The following NFAT5 variants were observed in gnomAD, a reference collection of about 807,000 sequenced individuals.
NFAT5 encodes nuclear factor of activated T-cells 5.
A neutral mutation model predicts 166.5 loss-of-function variants in NFAT5; 31 were observed. The ratio of observed to expected loss-of-function variants is 0.19; its 90% CI spans 0.14 to 0.25. The LOEUF is 0.25. NFAT5 is among the 10% of genes least tolerant of loss of function. NFAT5 has a pLI of 1.00. For missense variants in NFAT5, 1,449 were observed against 1,821.8 expected, an observed-to-expected ratio of 0.80 and a Z score of 3.72; for synonymous variants, 612 against 639.7, an observed-to-expected ratio of 0.96 and a Z score of 0.65.
intron 3 of NFAT5, among the ~76,000 whole-genome samples, chr16:69,639,429 C>G (rs1321512648): frequency 2.0e-5 from 3 of 152,060 alleles, no homozygotes; most frequent in Admixed American, 6.6e-5. Context: ...AAGGAGAATT[C>G]AGATTAAAAA....
rs3743672 is a variant in NFAT5 at position 69,646,827 on chromosome 16, A to G, written c.254-201A>G. The stretch of plus-strand genomic sequence containing the variant: ...CTATGGATTGTAACATAAGTAAAAT[A>G]ATGCTATTTGGGCATTTTTAAAAAT... On this transcript the variant is annotated intron_variant, in intron 3 of 14. Transcript: ENST00000349945. 2.4e-4 allele frequency among the ~76,000 whole-genome samples: 37 copies of G among 152,384 alleles called. No individual in the cohort carries two copies. The East Asian group carries it at 6.9e-3, about 29-fold the overall frequency.
chr16:69,568,641 A>C (rs1195491898), intron 2 of NFAT5, 93 bp downstream of exon 2: 1 of 983,754 alleles, frequency 1.0e-6, no homozygotes. Flanking sequence ...AACTTTGCAA[A>C]CTCACACAAT....
intron 2 of NFAT5, among the ~76,000 whole-genome samples, chr16:69,572,037 C>T (rs1044467524): frequency 4.8e-4 from 73 of 152,234 alleles, no homozygotes; most frequent in Non-Finnish European, 8.1e-4. Context: ...GCTGGGATTA[C>T]AGGCGTGAGC....
intron 2 of NFAT5, among the ~76,000 whole-genome samples, chr16:69,592,052 C>T (rs937233264): frequency 1.7e-4 from 26 of 148,898 alleles, no homozygotes; most frequent in African/African-American, 5.2e-4. Flanking sequence ...ACCAATAATT[C>T]TTAAAAGGAA....
intron 11 of NFAT5, among the ~76,000 whole-genome samples, chr16:69,690,369 G>T (rs1297273561): frequency 6.6e-6 from 1 of 151,612 alleles, no homozygotes; most frequent in Non-Finnish European, 1.5e-5. Flanking sequence ...TTGTGTCCAT[G>T]TGTCAACTTG....
intron 2 of NFAT5, among the ~76,000 whole-genome samples, chr16:69,575,097 G>A (rs1567510992): frequency 6.6e-6 from 1 of 152,082 alleles, no homozygotes; most frequent in Non-Finnish European, 1.5e-5. Context: ...ACTGAATTTG[G>A]TATTTAGTTT....
chr16:69,681,759 A>G (rs1370428102), intron 10 of NFAT5, among the ~76,000 whole-genome samples: 1 of 152,062 alleles, frequency 6.6e-6, no homozygotes, highest in African/African-American at 2.4e-5. Context: ...CTACTAAAAA[A>G]TACAAAAAAT....
intron 2 of NFAT5, among the ~76,000 whole-genome samples, chr16:69,580,340 C>T (rs1481801418): frequency 1.3e-5 from 2 of 151,856 alleles, no homozygotes; most frequent in Non-Finnish European, 1.5e-5. Flanking sequence ...CCAGCCTGGG[C>T]AATACAGTGA....
intron 7 of NFAT5, among the ~76,000 whole-genome samples, chr16:69,660,743 TTCTCTC>T (rs1422668671): frequency 6.6e-6 from 1 of 152,150 alleles, no homozygotes; most frequent in Non-Finnish European, 1.5e-5. Flanking sequence ...TAATTGTAGT[TTCTCTC>T]TAATGATTAT....
intron 13 of NFAT5, among the ~76,000 whole-genome samples, chr16:69,694,892 G>A (rs2037707864): frequency 6.6e-6 from 1 of 152,170 alleles, no homozygotes; most frequent in African/African-American, 2.4e-5. Flanking sequence ...TTTAAGCAAA[G>A]TTGTATTTTT....
At chr16:69,690,597 C>T (rs929975485) in intron 11 of NFAT5, 5 of 153,682 alleles carry the variant, frequency 3.3e-5, no homozygotes, top group African/African-American at 1.2e-4. Context: ...CTTTATCCTC[C>T]TGGAGATTTT....
At chr16:69,648,496 AT>A in intron 4 of NFAT5, 1 of 984,188 alleles carries the variant, frequency 1.0e-6, no homozygotes, top group Non-Finnish European at 1.2e-6. Context: ...TGGGTTACTT[AT>A]TTAGAGGGTG....
In NFAT5 at chr16:69,660,338, A is replaced by T. The variant is rs150993073; in HGVS notation, c.1369+439A>T. The stretch of plus-strand genomic sequence containing the variant: ...CAGCTACTCAGGAAGGTGAGGCAAG[A>T]GGATCACTTGAGCCCTAGGAGGTCA... On this transcript the variant is annotated intron_variant, in intron 7 of 14. Coordinates refer to ENST00000349945, the MANE Select transcript of NFAT5 (RefSeq NM_138713.4). Among the ~76,000 whole-genome samples the T allele has an allele frequency of 2.9e-4, 44 of 152,306 alleles. No individual in the cohort carries two copies. The East Asian group carries it at 8.1e-3, about 28-fold the overall frequency.
chr16:69,661,122 T>C (rs2036114777), intron 7 of NFAT5, among the ~76,000 whole-genome samples: 2 of 147,550 alleles, frequency 1.4e-5, no homozygotes, highest in South Asian at 4.3e-4. Flanking sequence ...CTCATGCCTG[T>C]AATACCAGCA....
At chr16:69,574,080 A>T (rs1419058945) in intron 2 of NFAT5, among the ~76,000 whole-genome samples, 3 of 152,054 alleles carry the variant, frequency 2.0e-5, no homozygotes, top group Non-Finnish European at 4.4e-5. Context: ...CATGTTGGTC[A>T]GGTTGGTCTC....
At chr16:69,695,825 G>A (rs1472379970) in intron 14 of NFAT5, 2 of 157,410 alleles carry the variant, frequency 1.3e-5, no homozygotes, top group African/African-American at 4.8e-5. Context: ...ATATGATAGG[G>A]TCATAGTCAA....
intron 2 of NFAT5, among the ~76,000 whole-genome samples, chr16:69,612,248 A>G (rs1373491537): frequency 2.0e-5 from 3 of 152,222 alleles, no homozygotes; most frequent in Non-Finnish European, 4.4e-5. Flanking sequence ...CAGAGAAGAC[A>G]TGACATAGTT....
At chr16:69,583,140 A>G (rs2031807702) in intron 2 of NFAT5, among the ~76,000 whole-genome samples, 1 of 151,646 alleles carries the variant, frequency 6.6e-6, no homozygotes, top group South Asian at 2.1e-4. Context: ...AGGTTTGTCA[A>G]AATTTAGGAA....
intron 7 of NFAT5, 83 bp downstream of exon 7, chr16:69,659,982 A>T: frequency 8.4e-7 from 1 of 1,184,310 alleles, no homozygotes; most frequent in Non-Finnish European, 1.2e-6. Flanking sequence ...TAAATTTTAG[A>T]TATTTCATAT....
Sources: gnomAD v4.1 joint callset for allele counts (sites outside exome capture counted in the v4.1 genomes callset) on GRCh38, gnomAD v4.1.1 for gene constraint, MANE v1.5 for transcripts, NCBI Gene and HGNC (gene_info 2026-07-23, HGNC 2026-07-21) for gene names.